BRINP3: variants seen among roughly 807,000 people sequenced by gnomAD.
BRINP3 encodes BMP/retinoic acid inducible neural specific 3, also known as BMP/retinoic acid-inducible neural-specific protein 3.
BRINP3 carries 19 observed loss-of-function variants against 71.0 expected under a neutral mutation model. The observed-to-expected ratio is 0.27, with a 90% CI of 0.19 to 0.39. The LOEUF (loss-of-function observed/expected upper bound fraction) is 0.39, where lower values mean the gene tolerates loss of function less well. Among genes scored for constraint, BRINP3 ranks in the 10% least tolerant of loss-of-function variants. BRINP3 has a pLI of 1.00. For missense variants in BRINP3, 959 were observed against 940.8 expected (o/e 1.02, Z -0.25); for synonymous variants, 380 against 337.7 (o/e 1.13, Z -1.37).
intron 3 of BRINP3, among the ~76,000 whole-genome samples, chr1:190,270,160 A>C (rs1213002299): frequency 6.6e-6 from 1 of 151,866 alleles, no homozygotes; most frequent in Non-Finnish European, 1.5e-5. Context: ...TATTTGGAAA[A>C]AAGCATCAAA....
chr1:190,170,015 C>T (rs966427312), intron 6 of BRINP3, among the ~76,000 whole-genome samples: 2 of 151,896 alleles, frequency 1.3e-5, no homozygotes, highest in African/African-American at 2.4e-5. Context: ...CCAGAACAAA[C>T]GAAGTCTGAA....
At chr1:190,416,378 A>G (rs572789387) in intron 2 of BRINP3, among the ~76,000 whole-genome samples, 3 of 152,198 alleles carry the variant, frequency 2.0e-5, no homozygotes, top group East Asian at 3.9e-4. Context: ...CCCCCTTGCC[A>G]CCACTTGCCC....
intron 7 of BRINP3, among the ~76,000 whole-genome samples, chr1:190,101,126 T>C (rs1651664476): frequency 6.6e-6 from 1 of 152,176 alleles, no homozygotes; most frequent in South Asian, 2.1e-4. Flanking sequence ...CCTGAACCAA[T>C]ACATTTCTGT....
chr1:190,404,587 A>G (rs939959104), intron 2 of BRINP3, among the ~76,000 whole-genome samples: 3 of 152,172 alleles, frequency 2.0e-5, no homozygotes, highest in Admixed American at 6.6e-5. Context: ...AAAGCAGTTG[A>G]TATCATTACC....
intron 2 of BRINP3, among the ~76,000 whole-genome samples, chr1:190,448,406 T>C (rs1230344978): frequency 6.6e-6 from 1 of 151,554 alleles, no homozygotes; most frequent in Admixed American, 6.6e-5. Flanking sequence ...ATCAGTACAA[T>C]TGCACTAAAT....
At chr1:190,128,733 G>T (rs1654291255) in intron 7 of BRINP3, among the ~76,000 whole-genome samples, 4 of 151,660 alleles carry the variant, frequency 2.6e-5, no homozygotes, top group African/African-American at 7.3e-5. Context: ...CTTTACCTAT[G>T]CACGAAGTAG....
At chr1:190,327,326 CAAAAAAAAAAAAA>C (rs1227478693) in intron 2 of BRINP3, among the ~76,000 whole-genome samples, 3 of 44,232 alleles carry the variant, frequency 6.8e-5, no homozygotes, top group East Asian at 6.2e-4. Flanking sequence ...AAAAAAAGAA[CAAAAAAAAAAAAA>C]AAAAAAAAAA....
chr1:190,155,328 C>CT, intron 7 of BRINP3, among the ~76,000 whole-genome samples: 1 of 152,002 alleles, frequency 6.6e-6, no homozygotes, highest in Non-Finnish European at 1.5e-5. Context: ...CCTGTGTGTC[C>CT]TGACTCAGAA....
chr1:190,107,373 A>C (rs1215028029), intron 7 of BRINP3, among the ~76,000 whole-genome samples: 1 of 151,944 alleles, frequency 6.6e-6, no homozygotes, highest in Non-Finnish European at 1.5e-5. Context: ...TACAATTTCA[A>C]CTACGTGGAA....
intron 2 of BRINP3, among the ~76,000 whole-genome samples, chr1:190,397,221 C>T (rs1257547408): frequency 6.6e-6 from 1 of 151,974 alleles, no homozygotes; most frequent in African/African-American, 2.4e-5. Flanking sequence ...CTTTTGCATA[C>T]CATTTGCAAG....
At chr1:190,130,072 A>C (rs1225130939) in intron 7 of BRINP3, among the ~76,000 whole-genome samples, 2 of 151,994 alleles carry the variant, frequency 1.3e-5, no homozygotes, top group Non-Finnish European at 2.9e-5. Context: ...TCGTGTCCAG[A>C]TATCAATTTG....
chr1:190,260,932 T>C (rs1661131345), intron 4 of BRINP3, among the ~76,000 whole-genome samples: 1 of 152,092 alleles, frequency 6.6e-6, no homozygotes, highest in Admixed American at 6.6e-5. Flanking sequence ...AGCTATCTGA[T>C]TGTCTTTTCT....
intron 2 of BRINP3, among the ~76,000 whole-genome samples, chr1:190,419,496 C>T (rs1317721014): frequency 2.0e-5 from 3 of 151,860 alleles, no homozygotes; most frequent in South Asian, 2.1e-4. Flanking sequence ...CTAAAAATAT[C>T]GTATTTTTAT....
intron 6 of BRINP3, among the ~76,000 whole-genome samples, chr1:190,198,600 C>A (rs185518410): frequency 2.6e-5 from 4 of 152,216 alleles, no homozygotes; most frequent in African/African-American, 7.2e-5. Flanking sequence ...CTGTCAAGTT[C>A]AAAGTTTCAC....
chr1:190,289,205 A>G (rs993997929), intron 2 of BRINP3, among the ~76,000 whole-genome samples: 1 of 151,958 alleles, frequency 6.6e-6, no homozygotes, highest in African/African-American at 2.4e-5. Flanking sequence ...CATCTTTTAA[A>G]GAAAATTTTT....
At chr1:190,388,921 C>T (rs1480056838) in intron 2 of BRINP3, among the ~76,000 whole-genome samples, 1 of 151,646 alleles carries the variant, frequency 6.6e-6, no homozygotes, top group Non-Finnish European at 1.5e-5. Context: ...GGAAAGATGT[C>T]CCTGAAATGA....
At chr1:190,290,436 G>T (rs556085698) in intron 2 of BRINP3, among the ~76,000 whole-genome samples, 1 of 152,086 alleles carries the variant, frequency 6.6e-6, no homozygotes, top group African/African-American at 2.4e-5. Flanking sequence ...GAAGCACATT[G>T]ATATAGACAA....
At chr1:190,250,286 T>C (rs993629069) in intron 4 of BRINP3, among the ~76,000 whole-genome samples, 3 of 151,996 alleles carry the variant, frequency 2.0e-5, no homozygotes, top group Non-Finnish European at 4.4e-5. Flanking sequence ...TAATTATTTC[T>C]TAAACCTAGC....
At chr1:190,313,284 CT>C (rs1204227845) in intron 2 of BRINP3, among the ~76,000 whole-genome samples, 21 of 151,212 alleles carry the variant, frequency 1.4e-4, no homozygotes, top group Non-Finnish European at 2.1e-4. Flanking sequence ...TTGGTAATGC[CT>C]TTTTTTTGAT....
Sources: allele counts gnomAD v4.1 joint callset (sites outside exome capture counted in the v4.1 genomes callset), GRCh38; gene constraint gnomAD v4.1.1; transcripts MANE v1.5; gene names NCBI Gene and HGNC (gene_info 2026-07-23, HGNC 2026-07-21).